Variants in RUNX1T1 observed in about 807,000 individuals in gnomAD.
RUNX1T1 encodes protein CBFA2T1.
RUNX1T1 carries 4 observed loss-of-function variants against 62.8 expected under a neutral mutation model. That is an observed-to-expected ratio of 0.06 (90% CI 0.03 to 0.15). The LOEUF (loss-of-function observed/expected upper bound fraction) is 0.15, where lower values mean the gene tolerates loss of function less well. RUNX1T1 is among the 10% of genes least tolerant of loss of function. RUNX1T1 has a pLI of 1.00. For missense variants in RUNX1T1, 508 were observed against 754.3 expected, an observed-to-expected ratio of 0.67 and a Z score of 3.82; for synonymous variants, 291 against 286.0, an observed-to-expected ratio of 1.02 and a Z score of -0.18.
intron 1 of RUNX1T1, among the ~76,000 whole-genome samples, chr8:92,020,298 G>A (rs1403115222): frequency 6.6e-6 from 1 of 152,046 alleles, no homozygotes; most frequent in African/African-American, 2.4e-5. Flanking sequence ...AACTTTTTTT[G>A]AAATATATAT....
intron 6 of RUNX1T1, among the ~76,000 whole-genome samples, chr8:91,990,332 G>C (rs1266128236): frequency 6.6e-6 from 1 of 152,116 alleles, no homozygotes; most frequent in Non-Finnish European, 1.5e-5. Flanking sequence ...AGGTCACTAA[G>C]TCGCCCTCAT....
downstream of RUNX1T1, chr8:91,957,976 G>A (rs1809618081): frequency 4.6e-6 from 1 of 219,320 alleles, no homozygotes; most frequent in South Asian, 1.9e-4. Flanking sequence ...TGAAAATACA[G>A]GGAAGAAATG....
At chr8:91,978,828 A>G (rs1343964633) in intron 8 of RUNX1T1, among the ~76,000 whole-genome samples, 3 of 152,186 alleles carry the variant, frequency 2.0e-5, no homozygotes, top group Non-Finnish European at 4.4e-5. Flanking sequence ...ACCACACTGG[A>G]AAGTTGTGCA....
rs531832702 is a variant in RUNX1T1 at position 92,022,844 on chromosome 8, G to A, written c.8-5481C>T. Among the ~76,000 whole-genome samples, 5 of 152,284 alleles carry A rather than the reference G, an allele frequency of 3.3e-5. No homozygotes were observed. The South Asian group carries it at 8.3e-4, about 25-fold the overall frequency. ...CTATTCTCTGATCTAAAACCTTCAG[G>A]AGAGTCCCATTGTCCATGGAATAAA... On this transcript the variant is annotated intron_variant, in intron 1 of 10. Coordinates refer to ENST00000396218, the Ensembl canonical transcript of RUNX1T1.
intron 8 of RUNX1T1, among the ~76,000 whole-genome samples, chr8:91,985,254 G>A (rs1306120202): frequency 2.6e-5 from 4 of 152,094 alleles, no homozygotes; most frequent in African/African-American, 4.8e-5. Flanking sequence ...GTATTCACAC[G>A]TAATGGGTGG....
intron 1 of RUNX1T1, among the ~76,000 whole-genome samples, chr8:92,041,573 C>T (rs7000473): frequency 0.23 from 35,201 of 151,894 alleles, 4,299 homozygotes; most frequent in African/African-American, 0.3. Context: ...AAACCCCATC[C>T]CTACTAAAAA....
At chr8:91,965,090 A>T (rs553374006) in intron 10 of RUNX1T1, among the ~76,000 whole-genome samples, 2 of 152,296 alleles carry the variant, frequency 1.3e-5, no homozygotes, top group East Asian at 3.9e-4. Context: ...AGAAAGAGAG[A>T]GTAGATACAG....
intron 1 of RUNX1T1, among the ~76,000 whole-genome samples, chr8:92,045,754 G>C (rs1279961852): frequency 6.6e-6 from 1 of 152,010 alleles, no homozygotes; most frequent in Admixed American, 6.6e-5. Flanking sequence ...TTAAGTGCCA[G>C]GACTGTGTCT....
chr8:91,996,131 T>C (rs950435580), intron 5 of RUNX1T1, among the ~76,000 whole-genome samples: 15 of 152,208 alleles, frequency 9.9e-5, no homozygotes, highest in Non-Finnish European at 1.6e-4. Flanking sequence ...AAATCTGAAG[T>C]GAGAGGTAAC....
intron 1 of RUNX1T1, among the ~76,000 whole-genome samples, chr8:92,090,931 T>C (rs1292573064): frequency 2.0e-5 from 3 of 152,140 alleles, no homozygotes; most frequent in African/African-American, 7.2e-5. Context: ...TATGTGAAGG[T>C]TGGTGAAGGA....
chr8:92,041,221 C>CAAA (rs1828383999), intron 1 of RUNX1T1, among the ~76,000 whole-genome samples: 1 of 143,766 alleles, frequency 7.0e-6, no homozygotes, highest in Non-Finnish European at 1.5e-5. Flanking sequence ...GAACAGCATG[C>CAAA]AAAGCCAAGG....
chr8:92,071,543 G>T (rs1322248372), intron 2 of RUNX1T1, among the ~76,000 whole-genome samples: 1 of 151,888 alleles, frequency 6.6e-6, no homozygotes, highest in African/African-American at 2.4e-5. Context: ...GGTCCACAAG[G>T]GGAGAGCAGG....
At chr8:91,959,510 AT>A (rs1427440945) in exon 11 of RUNX1T1, 1 of 191,172 alleles carries the variant, frequency 5.2e-6, no homozygotes, top group Non-Finnish European at 1.1e-5. Flanking sequence ...ATATATATAT[AT>A]ATATGGAGCC....
intron 10 of RUNX1T1, among the ~76,000 whole-genome samples, chr8:91,965,741 G>C (rs574735098): frequency 5.3e-4 from 80 of 152,128 alleles, no homozygotes; most frequent in Middle Eastern, 3.4e-3. Flanking sequence ...ACCATTCAGT[G>C]CCAAACCCCA....
At chr8:92,094,597 C>A (rs1469136062) in intron 1 of RUNX1T1, among the ~76,000 whole-genome samples, 1 of 152,120 alleles carries the variant, frequency 6.6e-6, no homozygotes, top group Non-Finnish European at 1.5e-5. Flanking sequence ...CCGTCAGCAT[C>A]AATTTATCAC....
At chr8:92,001,306 G>T (rs1032301704) in intron 5 of RUNX1T1, among the ~76,000 whole-genome samples, 6 of 152,142 alleles carry the variant, frequency 3.9e-5, no homozygotes, top group Non-Finnish European at 8.8e-5. Flanking sequence ...AAGGTGGGAG[G>T]ATCACATGAG....
intron 1 of RUNX1T1, among the ~76,000 whole-genome samples, chr8:92,085,697 A>T (rs1835997971): frequency 1.3e-5 from 2 of 152,246 alleles, no homozygotes; most frequent in South Asian, 4.1e-4. Context: ...ATTAAGTGTT[A>T]TCAGACAAAA....
intron 1 of RUNX1T1, among the ~76,000 whole-genome samples, chr8:92,085,044 G>A (rs1429793359): frequency 1.3e-5 from 2 of 152,128 alleles, no homozygotes; most frequent in African/African-American, 2.4e-5. Flanking sequence ...CACATATCAC[G>A]TCATCCTCAT....
intron 9 of RUNX1T1, among the ~76,000 whole-genome samples, chr8:91,971,745 C>T (rs1812875484): frequency 6.6e-6 from 1 of 152,066 alleles, no homozygotes; most frequent in Non-Finnish European, 1.5e-5. Flanking sequence ...TGAATCATAC[C>T]ACAGGCCAAA....
Sources: allele counts gnomAD v4.1 joint callset (sites outside exome capture counted in the v4.1 genomes callset), GRCh38; gene constraint gnomAD v4.1.1; transcripts MANE v1.5; gene names NCBI Gene and HGNC (gene_info 2026-07-23, HGNC 2026-07-21).